LYRM4: variants seen among roughly 807,000 people sequenced by gnomAD.
LYRM4 encodes the protein LYR motif-containing protein 4.
LYRM4 carries 9 observed loss-of-function variants against 11.7 expected under a neutral mutation model. The observed-to-expected ratio is 0.77, with a 90% CI of 0.46 to 1.34. LYRM4 has a LOEUF of 1.34. LYRM4 is among the 40% of genes most tolerant of loss of function. The pLI is 0.00. For synonymous variants in LYRM4, 42 were observed against 40.4 expected (o/e 1.04, Z -0.15); for missense variants, 133 against 112.5 (o/e 1.18, Z -0.82).
intron 1 of LYRM4, among the ~76,000 whole-genome samples, chr6:5,217,002 T>G (rs537559259): frequency 6.6e-6 from 1 of 152,356 alleles, no homozygotes; most frequent in South Asian, 2.1e-4. Context: ...TATTGGTTCT[T>G]TAGCCTTATT....
chr6:5,219,555 G>A (rs1762463703), intron 1 of LYRM4, among the ~76,000 whole-genome samples: 1 of 152,162 alleles, frequency 6.6e-6, no homozygotes, highest in Admixed American at 6.5e-5. Flanking sequence ...ACTGCATGAA[G>A]AGTTTCTTCC....
chr6:5,254,898 G>A (rs73718018), intron 1 of LYRM4, among the ~76,000 whole-genome samples: 2,233 of 152,176 alleles, frequency 0.015, 46 homozygotes, highest in African/African-American at 0.051. Flanking sequence ...GGTGGGAGGT[G>A]GAGGGGGTAT....
chr6:5,109,545 A>G, intron 2 of LYRM4, 54 bp from the exon 3 acceptor site: 1 of 1,537,432 alleles, frequency 6.5e-7, no homozygotes, highest in Admixed American at 1.7e-5. Context: ...AGCCCCTGGG[A>G]AAGGCCAGAA....
At chr6:5,130,659 G>A (rs1763910664) in intron 2 of LYRM4, among the ~76,000 whole-genome samples, 1 of 152,094 alleles carries the variant, frequency 6.6e-6, no homozygotes, top group South Asian at 2.1e-4. Context: ...CACAGCAAGA[G>A]CACTCAGAGA....
chr6:5,103,879 ATCCACCTCGGC>A (rs1762580050), downstream of LYRM4: 1 of 151,782 alleles, frequency 6.6e-6, no homozygotes, highest in South Asian at 2.1e-4. Flanking sequence ...ATCGTGGTCC[ATCCACCTCGGC>A]TTCCCAAAGT....
At chr6:5,208,766 T>A (rs1761838294) in intron 2 of LYRM4, among the ~76,000 whole-genome samples, 1 of 152,214 alleles carries the variant, frequency 6.6e-6, no homozygotes, top group Non-Finnish European at 1.5e-5. Flanking sequence ...AGGAAATTAG[T>A]TCAAATTCCT....
chr6:5,044,019 C>A, the LYRM4 span, among the ~76,000 whole-genome samples: 2 of 152,204 alleles, frequency 1.3e-5, no homozygotes, highest in African/African-American at 4.8e-5. Context: ...GTGGTGCACA[C>A]CTTCCTCTTG....
chr6:5,086,397 G>C, the LYRM4 span: 1 of 1,536,270 alleles, frequency 6.5e-7, no homozygotes, highest in Non-Finnish European at 8.7e-7. Flanking sequence ...ACTTCTCGCT[G>C]TGCCTGCCCC....
the LYRM4 span, among the ~76,000 whole-genome samples, chr6:5,046,561 C>T: frequency 6.6e-6 from 1 of 152,200 alleles, no homozygotes; most frequent in Non-Finnish European, 1.5e-5. Flanking sequence ...ACATCTGGTG[C>T]TTCAGCTGGG....
chr6:5,180,346 G>A (rs554499190), intron 2 of LYRM4, among the ~76,000 whole-genome samples: 7 of 152,268 alleles, frequency 4.6e-5, no homozygotes, highest in East Asian at 1.9e-4. Flanking sequence ...CTGTGACAAT[G>A]TCAATACCGA....
chr6:5,187,101 T>C (rs1760448975), intron 2 of LYRM4: 3 of 876,726 alleles, frequency 3.4e-6, no homozygotes, highest in South Asian at 1.0e-4. Flanking sequence ...ATGAATAATA[T>C]AGAAAAGAAA....
chr6:5,077,989 A>AT, the LYRM4 span, among the ~76,000 whole-genome samples: 8 of 152,202 alleles, frequency 5.3e-5, 1 homozygote, highest in Admixed American at 5.2e-4. Flanking sequence ...AGTTTACATA[A>AT]TTGTTACTTT....
intron 2 of LYRM4, among the ~76,000 whole-genome samples, chr6:5,158,760 ACCATG>A (rs1758569218): frequency 6.6e-6 from 1 of 152,148 alleles, no homozygotes; most frequent in African/African-American, 2.4e-5. Context: ...GGTGTGAGCC[ACCATG>A]CCTGGTCAAG....
intron 2 of LYRM4, among the ~76,000 whole-genome samples, chr6:5,206,544 G>A (rs1363309132): frequency 6.6e-6 from 1 of 152,166 alleles, no homozygotes; most frequent in Non-Finnish European, 1.5e-5. Context: ...AGGGATCTTG[G>A]AAACCAATAT....
At chr6:5,085,474 G>A in the LYRM4 span, 2 of 1,527,142 alleles carry the variant, frequency 1.3e-6, no homozygotes, top group Non-Finnish European at 1.8e-6. Flanking sequence ...AAGTCCAGGG[G>A]CGAACGGCGT....
intron 1 of LYRM4, among the ~76,000 whole-genome samples, chr6:5,222,942 T>C (rs796777588): frequency 2.6e-5 from 4 of 152,246 alleles, no homozygotes; most frequent in African/African-American, 9.6e-5. Context: ...CAAAGGTGTA[T>C]AACCTATGAA....
At position 5,111,513 on chromosome 6, in the gene LYRM4, C is replaced by T. The variant is rs192770592; in HGVS notation, c.208-2022G>A. ...TGGGAAGCTGTGAGTTCTCTGTCCC[C>T]GTGAGGAGCAGAAAGTGAGGATGGA... On this transcript the variant is annotated intron_variant, in intron 2 of 2. Transcript: ENST00000330636. Among the ~76,000 whole-genome samples, 377 of 152,290 alleles carry T rather than the reference C, an allele frequency of 2.5e-3. 2 individuals carry two copies. The highest frequency in any genetic ancestry group is 3.8e-3 in the Non-Finnish European group (261 of 68,022).
intron 2 of LYRM4, among the ~76,000 whole-genome samples, chr6:5,198,166 C>A (rs1313831444): frequency 6.6e-6 from 1 of 152,084 alleles, no homozygotes; most frequent in Non-Finnish European, 1.5e-5. Context: ...CCACTGCACT[C>A]CAGCCTGGGC....
At chr6:5,105,084 T>C (rs1006752335), downstream of LYRM4, 4 of 152,200 alleles carry the variant, frequency 2.6e-5, no homozygotes, top group African/African-American at 9.7e-5. Context: ...AATACATTAA[T>C]ACATTAATAC....
Sources: allele counts gnomAD v4.1 joint callset (sites outside exome capture counted in the v4.1 genomes callset), GRCh38; gene constraint gnomAD v4.1.1; transcripts MANE v1.5; gene names NCBI Gene and HGNC (gene_info 2026-07-23, HGNC 2026-07-21).